The following NINL variants were observed in gnomAD, a reference collection of about 807,000 sequenced individuals.
NINL encodes the protein ninein-like protein.
Under a neutral mutation model 160.3 loss-of-function variants are expected in NINL, and 153 were observed. The observed-to-expected ratio is 0.95, with a 90% CI of 0.84 to 1.09. The LOEUF is 1.09. Ranked by LOEUF, NINL falls within the 50% of genes least tolerant of loss-of-function variation. NINL has a pLI of 0.00. For synonymous variants in NINL, 800 were observed against 734.8 expected (o/e 1.09, Z -1.43); for missense variants, 1,829 against 1,764.0 (o/e 1.04, Z -0.66).
chr20:25,508,583 T>C (rs1473918352), intron 5 of NINL, among the ~76,000 whole-genome samples: 2 of 152,222 alleles, frequency 1.3e-5, no homozygotes, highest in African/African-American at 4.8e-5. Context: ...CAGTGCAGCC[T>C]GATGACTTCC....
chr20:25,512,747 G>A (rs2064094560), intron 4 of NINL, 87 bp downstream of exon 4: 1 of 1,472,652 alleles, frequency 6.8e-7, no homozygotes, highest in African/African-American at 1.4e-5. Context: ...CCCATATCTT[G>A]TGATTATGTG....
rs774603844 is a variant in NINL at position 25,461,527 on chromosome 20, C to A, written c.3691G>T (p.Asp1231Tyr). 12 of 1,562,834 alleles carry A rather than the reference C, an allele frequency of 7.7e-6. No individual in the cohort carries two copies. The Admixed American group carries it at 1.8e-4, about 24-fold the overall frequency. ...ELTQTLEESQ[D>Y]QVQGAHLRLR... ...CAGCCATCGCTCACACCCACCTGGTCTTGACTTTCCTCAAGGGTCTGGGTC... is the reference window on the plus strand; with the variant it reads ...CAGCCATCGCTCACACCCACCTGGTATTGACTTTCCTCAAGGGTCTGGGTC... The change falls in exon 21 of 24, where the codon GAC (aspartate) becomes TAC (tyrosine). Residue 1231 changes from aspartate to tyrosine, a missense_variant. Coordinates refer to ENST00000278886, the MANE Select transcript of NINL (RefSeq NM_025176.6).
rs763481902 is a variant in NINL at position 25,505,090 on chromosome 20, G to C, written c.518-12C>G. 1.9e-6 allele frequency: 3 copies of C among 1,561,968 alleles called. No individual in the cohort carries two copies. The Admixed American group carries it at 5.6e-5, about 29-fold the overall frequency. Reference sequence around the variant, plus strand: ...GGTCTGCAGCTGTCCTGAAGCAAGGGAGGAGTCACAGTTACACCCTGATAC... The same window carrying C: ...GGTCTGCAGCTGTCCTGAAGCAAGGCAGGAGTCACAGTTACACCCTGATAC... On this transcript the variant is annotated splice_polypyrimidine_tract_variant and intron_variant, in intron 5 of 23. Coordinates refer to ENST00000278886, the MANE Select transcript of NINL (RefSeq NM_025176.6).
At chr20:25,494,259 C>T (rs1052545997) in intron 10 of NINL, among the ~76,000 whole-genome samples, 2 of 150,662 alleles carry the variant, frequency 1.3e-5, no homozygotes, top group African/African-American at 2.4e-5. Flanking sequence ...CTTTCCACTG[C>T]ACCCCTCTAG....
intron 1 of NINL, among the ~76,000 whole-genome samples, chr20:25,533,404 A>G (rs2064501586): frequency 6.6e-6 from 1 of 152,226 alleles, no homozygotes; most frequent in African/African-American, 2.4e-5. Context: ...GACCAAGGGA[A>G]GTTTCCTGGA....
chr20:25,513,077 C>A, intron 3 of NINL, 71 bp from the exon 4 acceptor site: 2 of 1,490,846 alleles, frequency 1.3e-6, no homozygotes, highest in Non-Finnish European at 1.8e-6. Context: ...CCAGCAGGTA[C>A]CCTCTGAGAA....
intron 13 of NINL, among the ~76,000 whole-genome samples, chr20:25,482,939 G>A (rs924532032): frequency 2.0e-5 from 3 of 151,066 alleles, no homozygotes; most frequent in Middle Eastern, 3.4e-3. Flanking sequence ...CAGGAGAGTC[G>A]CTTGAACCCA....
At chr20:25,576,151 A>G (rs1007815401) in intron 1 of NINL, among the ~76,000 whole-genome samples, 10 of 152,184 alleles carry the variant, frequency 6.6e-5, no homozygotes, top group African/African-American at 2.4e-4. Flanking sequence ...AGAGACAAGC[A>G]CTGTACACGG....
At chr20:25,466,062 G>A (rs1222939794) in intron 19 of NINL, among the ~76,000 whole-genome samples, 3 of 152,058 alleles carry the variant, frequency 2.0e-5, no homozygotes, top group African/African-American at 4.8e-5. Flanking sequence ...GTCTCACTCT[G>A]TCAGGCTGGA....
intron 1 of NINL, chr20:25,539,944 G>A (rs1221171205): frequency 2.2e-5 from 21 of 957,514 alleles, no homozygotes; most frequent in Admixed American, 5.0e-5. Flanking sequence ...GCGGGTTCCC[G>A]GGGGCTCCCA....
intron 1 of NINL, among the ~76,000 whole-genome samples, chr20:25,531,672 G>A (rs183869352): frequency 5.8e-4 from 88 of 152,242 alleles, no homozygotes; most frequent in Admixed American, 5.0e-3. Flanking sequence ...CTTCCTCTTC[G>A]TGAGCTCTGA....
intron 11 of NINL, 131 bp downstream of exon 11, chr20:25,491,220 G>A (rs765020825): frequency 2.3e-4 from 267 of 1,136,292 alleles, no homozygotes; most frequent in African/African-American, 6.4e-4. Flanking sequence ...GTGCTCCCTC[G>A]GGCCCTGCCC....
chr20:25,474,288 T>C (rs2063177972), intron 17 of NINL, among the ~76,000 whole-genome samples: 1 of 152,236 alleles, frequency 6.6e-6, no homozygotes, highest in Non-Finnish European at 1.5e-5. Context: ...CCTGCAGCCC[T>C]GCCAGCACCT....
intron 1 of NINL, chr20:25,540,021 C>A: frequency 7.8e-7 from 1 of 1,288,488 alleles, no homozygotes; most frequent in East Asian, 5.6e-5. Flanking sequence ...ACACTGTTTA[C>A]CTGCGCAGTT....
At chr20:25,502,273 T>C (rs1042042997) in intron 7 of NINL, among the ~76,000 whole-genome samples, 2 of 152,196 alleles carry the variant, frequency 1.3e-5, no homozygotes, top group Non-Finnish European at 2.9e-5. Context: ...TGAGCCACCA[T>C]GCCCGGCCCT....
chr20:25,477,117 C>A, intron 16 of NINL, 28 bp from the exon 17 acceptor site: 1 of 1,546,102 alleles, frequency 6.5e-7, no homozygotes, highest in South Asian at 1.2e-5. Flanking sequence ...TCACACACCA[C>A]AGCCCTGCCG....
chr20:25,473,675 T>TACACACACACAC (rs56359105), intron 17 of NINL, among the ~76,000 whole-genome samples: 38 of 137,998 alleles, frequency 2.8e-4, no homozygotes, highest in African/African-American at 5.7e-4. Context: ...AATACACACA[T>TACACACACACAC]ACACACACAC....
At chr20:25,539,760 C>T (rs1296971684) in intron 1 of NINL, among the ~76,000 whole-genome samples, 3 of 152,218 alleles carry the variant, frequency 2.0e-5, no homozygotes, top group Non-Finnish European at 2.9e-5. Flanking sequence ...GCGTGTGAGC[C>T]GCCCACCCAA....
chr20:25,458,523 C>T lies in NINL; in HGVS notation c.3703G>A (p.Gly1235Arg). 1.3e-6 allele frequency: 2 copies of T among 1,593,036 alleles called. No homozygotes were observed. Among genetic ancestry groups the T allele is most frequent in the Non-Finnish European group, 1.7e-6 (2 of 1,176,058 alleles). Reference protein sequence around the residue: ...TLEESQDQVQGAHLRLRQAQA... With the variant: ...TLEESQDQVQRAHLRLRQAQA... Reference sequence around the variant, plus strand: ...GCCTGCCTCAGCCTCAGGTGAGCTCCCTGCACCTGCATGGGGAAGGGGAGA... The same window carrying T: ...GCCTGCCTCAGCCTCAGGTGAGCTCTCTGCACCTGCATGGGGAAGGGGAGA... The change falls in exon 22 of 24, where the codon GGA (glycine) becomes AGA (arginine). Residue 1235 changes from glycine to arginine, a missense_variant. Physicochemically the swap from Gly to Arg is moderately radical, Grantham distance 125. Coordinates refer to ENST00000278886, the MANE Select transcript of NINL (RefSeq NM_025176.6).
Sources: allele counts gnomAD v4.1 joint callset (sites outside exome capture counted in the v4.1 genomes callset), GRCh38; gene constraint gnomAD v4.1.1; transcripts MANE v1.5; gene names NCBI Gene and HGNC (gene_info 2026-07-23, HGNC 2026-07-21).